Variants in LEKR1 observed in about 807,000 individuals in gnomAD.
The protein encoded by LEKR1 is leucine, glutamate and lysine rich 1, also known as protein LEKR1.
Under a neutral mutation model 72.4 loss-of-function variants are expected in LEKR1, and 59 were observed. The observed-to-expected ratio is 0.82, with a 90% CI of 0.66 to 1.01. LEKR1 has a LOEUF of 1.01. LEKR1 is among the 50% of genes least tolerant of loss of function. The pLI is 0.00. For missense variants in LEKR1, 728 were observed against 759.2 expected, an observed-to-expected ratio of 0.96 and a Z score of 0.48; for synonymous variants, 257 against 263.2, an observed-to-expected ratio of 0.98 and a Z score of 0.23.
intron 2 of LEKR1, 47 bp downstream of exon 2, chr3:156,829,424 A>G: frequency 1.5e-6 from 2 of 1,350,580 alleles, no homozygotes; most frequent in Non-Finnish European, 2.0e-6. Context: ...AACATGTAGC[A>G]GTTACATAAT....
intron 9 of LEKR1, among the ~76,000 whole-genome samples, chr3:157,007,797 A>G (rs568074174): frequency 6.6e-6 from 1 of 152,240 alleles, no homozygotes; most frequent in Admixed American, 6.5e-5. Flanking sequence ...TCCAAGAAAA[A>G]TAAACTTTGA....
chr3:156,927,408 T>A, intron 4 of LEKR1, 21 bp from the exon 5 acceptor site: 1 of 336,616 alleles, frequency 3.0e-6, no homozygotes, highest in Non-Finnish European at 3.8e-6. Flanking sequence ...TAAAATCCTA[T>A]TTTTTTTTTT....
intron 3 of LEKR1, among the ~76,000 whole-genome samples, chr3:156,878,819 C>G (rs1356243479): frequency 6.6e-6 from 1 of 151,982 alleles, no homozygotes; most frequent in African/African-American, 2.4e-5. Flanking sequence ...GGCCAGTTTC[C>G]CCCATATTTG....
chr3:156,936,024 G>A (rs1422758865), intron 5 of LEKR1, among the ~76,000 whole-genome samples: 1 of 152,148 alleles, frequency 6.6e-6, no homozygotes, highest in Non-Finnish European at 1.5e-5. Flanking sequence ...AATTATAGCT[G>A]AGGAACACTT....
chr3:156,945,993 A>G (rs186051309), intron 6 of LEKR1, among the ~76,000 whole-genome samples: 2 of 151,706 alleles, frequency 1.3e-5, no homozygotes, highest in Non-Finnish European at 3.0e-5. Context: ...GAAGAATGAC[A>G]TTGGTATTTT....
chr3:156,930,547 A>G (rs1366142489), intron 5 of LEKR1, among the ~76,000 whole-genome samples: 1 of 152,128 alleles, frequency 6.6e-6, no homozygotes, highest in Non-Finnish European at 1.5e-5. Context: ...GTATATTATA[A>G]TTTCTAGAGC....
At chr3:156,910,209 T>C (rs1349794416) in intron 3 of LEKR1, among the ~76,000 whole-genome samples, 1 of 152,172 alleles carries the variant, frequency 6.6e-6, no homozygotes, top group Non-Finnish European at 1.5e-5. Context: ...TGCGCGATGC[T>C]AGGCTTTGAG....
chr3:156,857,427 C>T (rs967673698), intron 3 of LEKR1, among the ~76,000 whole-genome samples: 8 of 152,190 alleles, frequency 5.3e-5, no homozygotes, highest in African/African-American at 1.9e-4. Context: ...AGTGGAAAAA[C>T]ACTTATCACT....
chr3:157,035,012 G>T (rs1237893510), intron 12 of LEKR1, among the ~76,000 whole-genome samples: 1 of 152,084 alleles, frequency 6.6e-6, no homozygotes, highest in Non-Finnish European at 1.5e-5. Flanking sequence ...CAACATTGAA[G>T]CAAGACCCTC....
chr3:156,840,899 C>G (rs1332795478), intron 2 of LEKR1, among the ~76,000 whole-genome samples: 6 of 152,202 alleles, frequency 3.9e-5, no homozygotes, highest in Admixed American at 2.0e-4. Context: ...TATCCTTCCT[C>G]TTGCCCTGAA....
chr3:156,831,443 A>G (rs1408739342), intron 2 of LEKR1, among the ~76,000 whole-genome samples: 1 of 152,206 alleles, frequency 6.6e-6, no homozygotes, highest in Non-Finnish European at 1.5e-5. Context: ...TATTTAAACT[A>G]TAAAGTTCTC....
At chr3:156,913,239 C>T (rs879512288) in intron 3 of LEKR1, among the ~76,000 whole-genome samples, 5 of 152,060 alleles carry the variant, frequency 3.3e-5, no homozygotes, top group Non-Finnish European at 2.9e-5. Flanking sequence ...GCTATTTTAA[C>T]GATATTGATT....
Position 157,028,301 on chromosome 3 carries a change from G to T in LEKR1, c.1567G>T (p.Glu523Ter). The change falls in exon 12 of 13, where the codon GAA becomes TAA. Residue 523 changes from glutamate (E) to a stop codon, truncating the protein, a stop_gained. Transcript: ENST00000356539. LOFTEE classifies it high-confidence loss of function. ...KEIDSNDSVS[E>*]NLRKEMEQKS... Reference sequence around the variant, plus strand: ...AATTGACAGTAATGATTCAGTTTCAGAAAACTTGAGGAAGGAAATGGAACA... The same window carrying T: ...AATTGACAGTAATGATTCAGTTTCATAAAACTTGAGGAAGGAAATGGAACA... 6.2e-7 allele frequency: 1 copy of T among 1,613,530 alleles called. No individual in the cohort carries two copies.
intron 3 of LEKR1, among the ~76,000 whole-genome samples, chr3:156,863,989 G>A (rs9878709): frequency 0.34 from 50,937 of 151,852 alleles, 11,173 homozygotes; most frequent in African/African-American, 0.62. Context: ...GAAGAACTCA[G>A]CAAGAAATCT....
chr3:156,860,110 T>G lies in LEKR1; in HGVS notation c.263+7128T>G, dbSNP rs922861883. On this transcript the variant is annotated intron_variant, in intron 3 of 12. Coordinates refer to ENST00000356539, the MANE Select transcript of LEKR1 (RefSeq NM_001004316.3). ...GTCTTTCTATGCTGCTTATGTTATG[T>G]TCGGGGTGTTTCAGTTGTAAGGAGG... Among the ~76,000 whole-genome samples, 4 of 152,172 alleles carry G rather than the reference T, an allele frequency of 2.6e-5. No individual in the cohort carries two copies. The South Asian group carries it at 6.2e-4, about 24-fold the overall frequency.
chr3:157,037,290 A>G (rs1387943352), intron 12 of LEKR1, among the ~76,000 whole-genome samples: 1 of 152,172 alleles, frequency 6.6e-6, no homozygotes, highest in Non-Finnish European at 1.5e-5. Flanking sequence ...TGCTTTTTTC[A>G]TTGTGAGTTT....
intron 3 of LEKR1, among the ~76,000 whole-genome samples, chr3:156,916,524 A>G (rs1723667672): frequency 6.6e-6 from 1 of 152,046 alleles, no homozygotes; most frequent in South Asian, 2.1e-4. Context: ...GTCATTATGA[A>G]TGAGATTGCA....
intron 3 of LEKR1, among the ~76,000 whole-genome samples, chr3:156,871,770 C>T (rs2108546982): frequency 6.6e-6 from 1 of 152,262 alleles, no homozygotes; most frequent in South Asian, 2.1e-4. Flanking sequence ...ACCATCCTTG[C>T]ATCCCTGGGA....
chr3:156,937,646 C>T (rs953124155), intron 5 of LEKR1, among the ~76,000 whole-genome samples: 24 of 152,100 alleles, frequency 1.6e-4, no homozygotes, highest in Admixed American at 8.5e-4. Flanking sequence ...TACCACATGA[C>T]GCAACATTTG....
Sources: gnomAD v4.1 joint callset for allele counts (sites outside exome capture counted in the v4.1 genomes callset) on GRCh38, gnomAD v4.1.1 for gene constraint, MANE v1.5 for transcripts, NCBI Gene and HGNC (gene_info 2026-07-23, HGNC 2026-07-21) for gene names.